The following CENPW variants were observed in gnomAD, a reference collection of about 807,000 sequenced individuals.
CENPW encodes the protein cancer-up-regulated gene 2 protein.
Under a neutral mutation model 11.1 loss-of-function variants are expected in CENPW, and 3 were observed. The ratio of observed to expected loss-of-function variants is 0.27; its 90% CI spans 0.12 to 0.70. CENPW has a LOEUF of 0.70. CENPW is among the 30% of genes least tolerant of loss of function. CENPW has a pLI of 0.77. For missense variants in CENPW, 100 were observed against 105.6 expected (o/e 0.95, Z 0.23); for synonymous variants, 38 against 42.0 (o/e 0.91, Z 0.37).
chr6:126,427,375 A>T, the CENPW span, among the ~76,000 whole-genome samples: 7 of 152,168 alleles, frequency 4.6e-5, no homozygotes. Flanking sequence ...TTGTTATGAA[A>T]GTGGGAATTT....
chr6:126,444,721 T>A, the CENPW span, among the ~76,000 whole-genome samples: 2 of 151,296 alleles, frequency 1.3e-5, no homozygotes, highest in African/African-American at 2.4e-5. Context: ...ATGGGATGTT[T>A]CCTGGCATGC....
the CENPW span, among the ~76,000 whole-genome samples, chr6:126,366,682 C>T: frequency 6.6e-6 from 1 of 152,192 alleles, no homozygotes; most frequent in Admixed American, 6.5e-5. Flanking sequence ...GAAAGAGAGA[C>T]ACTATCCCTG....
the CENPW span, among the ~76,000 whole-genome samples, chr6:126,466,822 C>G: frequency 2.0e-5 from 3 of 152,016 alleles, no homozygotes; most frequent in Admixed American, 6.6e-5. Context: ...ACAAAAATCA[C>G]TAGCATTTCT....
the CENPW span, among the ~76,000 whole-genome samples, chr6:126,452,344 A>T: frequency 6.6e-6 from 1 of 151,260 alleles, no homozygotes; most frequent in African/African-American, 2.4e-5. Flanking sequence ...TAAACATCTT[A>T]TTGTAGAAAT....
rs759230009 is a variant in CENPW, at chr6:126,340,363, G to A, written c.90G>A (p.Lys30=). The part of the protein sequence containing the change: ...GFLKRVFKRK[K]PQLRLEKSGD... ...TAAAGCGAGTCTTCAAGCGAAAGAA[G>A]CCTCAACTTCGTCTGGAGAAAAGTG... The change falls in exon 1 of 3, where the codon AAG becomes AAA. Residue 30 remains lysine (K), a synonymous_variant. Coordinates refer to ENST00000368328, the MANE Select transcript of CENPW (RefSeq NM_001012507.4). 1 of 1,614,172 alleles carries A rather than the reference G, an allele frequency of 6.2e-7. No homozygotes were observed. Among genetic ancestry groups the A allele is most frequent in the South Asian group, 1.1e-5 (1 of 91,076 alleles).
rs751305549 is a variant in CENPW at position 126,340,236 on chromosome 6, A to T, written c.-38A>T. On this transcript the variant is annotated 5_prime_UTR_variant, in exon 1 of 3. Transcript: ENST00000368328. The stretch of plus-strand genomic sequence containing the variant: ...GGAGCTTGTGTGCGATACAGAGAGC[A>T]CCTCGGAAGCTGAGGCAGCTGGTAC... The T allele has an allele frequency of 6.4e-5, 102 of 1,605,548 alleles. No homozygotes were observed. Among genetic ancestry groups the T allele is most frequent in the Non-Finnish European group, 8.3e-5 (97 of 1,174,264 alleles).
At chr6:126,400,973 T>C in the CENPW span, among the ~76,000 whole-genome samples, 21 of 152,252 alleles carry the variant, frequency 1.4e-4, no homozygotes, top group Middle Eastern at 3.4e-3. Flanking sequence ...ATCTTTAGCA[T>C]ATTATTTTTA....
chr6:126,446,133 C>T, the CENPW span, among the ~76,000 whole-genome samples: 2 of 151,002 alleles, frequency 1.3e-5, no homozygotes, highest in African/African-American at 4.9e-5. Flanking sequence ...AAATTAAATT[C>T]ACCTGTAAAA....
the CENPW span, among the ~76,000 whole-genome samples, chr6:126,436,607 A>C: frequency 6.6e-6 from 1 of 151,988 alleles, no homozygotes; most frequent in South Asian, 2.1e-4. Context: ...TATGAAGCAC[A>C]ATATCAAGGA....
chr6:126,394,208 C>A, the CENPW span, among the ~76,000 whole-genome samples: 1 of 110,858 alleles, frequency 9.0e-6, no homozygotes, highest in African/African-American at 3.0e-5. Context: ...TCTTTTCCTT[C>A]TTTTATTTTT....
At chr6:126,467,369 G>A in the CENPW span, among the ~76,000 whole-genome samples, 1 of 152,012 alleles carries the variant, frequency 6.6e-6, no homozygotes, top group African/African-American at 2.4e-5. Context: ...CTTCAACAAA[G>A]CTAACAAAAT....
At chr6:126,365,067 G>A in the CENPW span, among the ~76,000 whole-genome samples, 4 of 152,180 alleles carry the variant, frequency 2.6e-5, no homozygotes, top group Admixed American at 2.6e-4. Flanking sequence ...TAGTTCTGGT[G>A]AATATTGGGA....
At chr6:126,432,163 T>C in the CENPW span, among the ~76,000 whole-genome samples, 2 of 152,132 alleles carry the variant, frequency 1.3e-5, no homozygotes, top group African/African-American at 4.8e-5. Flanking sequence ...GGTTTTCTTT[T>C]ATCTGGGAAT....
the CENPW span, among the ~76,000 whole-genome samples, chr6:126,470,850 C>T: frequency 6.6e-6 from 1 of 152,164 alleles, no homozygotes. Context: ...GGCCTGTGGC[C>T]CCTTTGTTTT....
At chr6:126,408,973 T>C in the CENPW span, among the ~76,000 whole-genome samples, 8 of 152,138 alleles carry the variant, frequency 5.3e-5, no homozygotes, top group South Asian at 1.7e-3. Flanking sequence ...TTTTTAATAT[T>C]TATTTTTCTC....
At chr6:126,420,396 A>C in the CENPW span, among the ~76,000 whole-genome samples, 1 of 152,188 alleles carries the variant, frequency 6.6e-6, no homozygotes, top group African/African-American at 2.4e-5. Flanking sequence ...TTTAAAAAAA[A>C]TGGTAGTCGC....
the CENPW span, among the ~76,000 whole-genome samples, chr6:126,475,908 T>C: frequency 6.6e-6 from 1 of 151,968 alleles, no homozygotes; most frequent in Non-Finnish European, 1.5e-5. Flanking sequence ...AATTATCGAG[T>C]TGCCACTAAC....
chr6:126,366,055 A>G, the CENPW span, among the ~76,000 whole-genome samples: 1 of 152,212 alleles, frequency 6.6e-6, no homozygotes, highest in East Asian at 1.9e-4. Flanking sequence ...AAGGCTTTGA[A>G]ATTGTGAAAC....
the CENPW span, among the ~76,000 whole-genome samples, chr6:126,418,320 G>C: frequency 6.6e-6 from 1 of 152,114 alleles, no homozygotes; most frequent in Non-Finnish European, 1.5e-5. Context: ...GTTATTCATA[G>C]TAACAAAAAA....
Sources: gnomAD v4.1 joint callset for allele counts (sites outside exome capture counted in the v4.1 genomes callset) on GRCh38, gnomAD v4.1.1 for gene constraint, MANE v1.5 for transcripts, NCBI Gene and HGNC (gene_info 2026-07-23, HGNC 2026-07-21) for gene names.